Variants in COLEC12 observed in about 807,000 individuals in gnomAD.
COLEC12 encodes the protein collectin-12.
Under a neutral mutation model 71.1 loss-of-function variants are expected in COLEC12, and 33 were observed. The ratio of observed to expected loss-of-function variants is 0.46; its 90% CI spans 0.35 to 0.62. The LOEUF (loss-of-function observed/expected upper bound fraction) is 0.62, where lower values mean the gene tolerates loss of function less well. Among genes scored for constraint, COLEC12 ranks in the 20% least tolerant of loss-of-function variants. The pLI, the probability that COLEC12 is intolerant of heterozygous loss-of-function variation, is 0.00. For missense variants in COLEC12, 765 were observed against 916.1 expected, an observed-to-expected ratio of 0.84 and a Z score of 2.13; for synonymous variants, 350 against 353.0, an observed-to-expected ratio of 0.99 and a Z score of 0.10.
chr18:322,193 T>TACACACACACAC (rs34440882), intron 8 of COLEC12, among the ~76,000 whole-genome samples: 11 of 149,802 alleles, frequency 7.3e-5, no homozygotes, highest in Middle Eastern at 3.4e-3. Flanking sequence ...GAGGACATGA[T>TACACACACACAC]ACACACACAC....
chr18:357,650 CT>C, intron 2 of COLEC12, 128 bp from the exon 3 acceptor site: 2 of 675,862 alleles, frequency 3.0e-6, no homozygotes, highest in Admixed American at 6.6e-5. Flanking sequence ...ACTATGAGAA[CT>C]ATTTTGACAG....
intron 5 of COLEC12, among the ~76,000 whole-genome samples, chr18:337,209 A>G (rs1914139020): frequency 1.4e-5 from 2 of 147,920 alleles, no homozygotes; most frequent in African/African-American, 5.3e-5. Flanking sequence ...CTAAAGTTAG[A>G]AGGATAGAAG....
intron 2 of COLEC12, among the ~76,000 whole-genome samples, chr18:391,152 G>T (rs1356797950): frequency 6.6e-6 from 1 of 152,188 alleles, no homozygotes; most frequent in Non-Finnish European, 1.5e-5. Flanking sequence ...GCCTTAACGT[G>T]AGGAGGGCTA....
chr18:354,958 T>C (rs1298123516), intron 3 of COLEC12, among the ~76,000 whole-genome samples: 1 of 152,106 alleles, frequency 6.6e-6, no homozygotes, highest in Non-Finnish European at 1.5e-5. Flanking sequence ...AGCTATCCCC[T>C]AGATGCAGAT....
At chr18:477,976 G>A (rs1447248967) in intron 2 of COLEC12, among the ~76,000 whole-genome samples, 2 of 152,070 alleles carry the variant, frequency 1.3e-5, no homozygotes, top group African/African-American at 4.8e-5. Flanking sequence ...TGGGTTCTTG[G>A]GTCCTGCTGG....
Position 321,768 on chromosome 18 carries a change from G to T in COLEC12, c.2103C>A (p.Gly701=). Residue 701 remains glycine, a synonymous_variant, in exon 9 of 10, where the codon GGC becomes GGA. Transcript: ENST00000400256. ...KAGQPDNWGH[G]HGPGEDCAGL... Reference sequence around the variant, plus strand: ...CAGCACAGTCTTCTCCTGGCCCATGGCCATGACCCCAGTTATCCGGCTGTC... The same window carrying T: ...CAGCACAGTCTTCTCCTGGCCCATGTCCATGACCCCAGTTATCCGGCTGTC... 1 of 1,614,120 alleles carries T rather than the reference G, an allele frequency of 6.2e-7. No individual in the cohort carries two copies. Among genetic ancestry groups the T allele is most frequent in the Non-Finnish European group, 8.5e-7 (1 of 1,179,986 alleles).
At chr18:337,594 T>C (rs1914147504) in intron 5 of COLEC12, among the ~76,000 whole-genome samples, 1 of 152,218 alleles carries the variant, frequency 6.6e-6, no homozygotes, top group Non-Finnish European at 1.5e-5. Context: ...GCTCCATAAA[T>C]GGGAGACTTT....
At chr18:389,081 T>G (rs9964505) in intron 2 of COLEC12, among the ~76,000 whole-genome samples, 30,138 of 152,048 alleles carry the variant, frequency 0.2, 3,194 homozygotes, top group East Asian at 0.29. Flanking sequence ...TTGATACAAT[T>G]GGATTTATAA....
In COLEC12 at chr18:399,778, TAC is replaced by T. The variant is rs1381620471; in HGVS notation, c.59-42258_59-42257del. 2.0e-5 allele frequency among the ~76,000 whole-genome samples: 3 copies of T among 152,196 alleles called. No individual in the cohort carries two copies. The highest frequency in any genetic ancestry group is 2.9e-5 in the Non-Finnish European group (2 of 68,022). On this transcript the variant is annotated intron_variant, in intron 2 of 9. Coordinates refer to ENST00000400256, the MANE Select transcript of COLEC12 (RefSeq NM_130386.3). The surrounding 1 kb of genome is among the most constrained non-coding windows in gnomAD (Gnocchi z 4.0). Reference sequence around the variant, plus strand: ...GCCCTCGTTCCCCCATCTCCATGACTACCACTGAAGGAAGGAGGCTGAGGGCA... The same window carrying T: ...GCCCTCGTTCCCCCATCTCCATGACTCACTGAAGGAAGGAGGCTGAGGGCA...
intron 5 of COLEC12, among the ~76,000 whole-genome samples, chr18:337,834 C>T (rs929374195): frequency 4.6e-5 from 7 of 152,328 alleles, no homozygotes; most frequent in Admixed American, 2.0e-4. Context: ...CATCCCTTCT[C>T]CCACCACATT....
chr18:331,786 C>A lies in COLEC12; in HGVS notation c.1954-9G>T, dbSNP rs1334162117. 6.4e-7 allele frequency: 1 copy of A among 1,555,168 alleles called. No individual in the cohort carries two copies. The highest frequency in any genetic ancestry group is 1.7e-5 in the Admixed American group (1 of 59,962). ...TGTTTTTTTATCCATTGCTGAAAAA[C>A]AAAGCAGGGGTGGTGCGTGACTATT... On this transcript the variant is annotated splice_polypyrimidine_tract_variant and intron_variant, in intron 7 of 9. Transcript: ENST00000400256.
At chr18:498,270 C>G (rs764887322) in intron 1 of COLEC12, among the ~76,000 whole-genome samples, 2 of 152,156 alleles carry the variant, frequency 1.3e-5, no homozygotes, top group African/African-American at 2.4e-5. Flanking sequence ...ATTACTGCCC[C>G]TCCCGTCCCC....
intron 2 of COLEC12, among the ~76,000 whole-genome samples, chr18:365,233 A>ACTTAAGCAG (rs1192684032): frequency 3.9e-5 from 6 of 152,228 alleles, no homozygotes; most frequent in Non-Finnish European, 8.8e-5. Flanking sequence ...GACTGTGGTG[A>ACTTAAGCAG]CATACTTAAG....
At chr18:337,616 G>A (rs540265882) in intron 5 of COLEC12, among the ~76,000 whole-genome samples, 1 of 152,156 alleles carries the variant, frequency 6.6e-6, no homozygotes, top group Non-Finnish European at 1.5e-5. Flanking sequence ...GAAGACTTAG[G>A]GATGAACTCA....
At chr18:479,891 C>T (rs4797178) in intron 2 of COLEC12, among the ~76,000 whole-genome samples, 79,820 of 152,118 alleles carry the variant, frequency 0.52, 21,779 homozygotes, top group African/African-American at 0.69. Context: ...TCACCTTCAG[C>T]CAGCTGAAAT....
At chr18:483,022 T>C (rs1917453442) in intron 1 of COLEC12, among the ~76,000 whole-genome samples, 1 of 152,210 alleles carries the variant, frequency 6.6e-6, no homozygotes, top group Non-Finnish European at 1.5e-5. Context: ...CCTTGAAATG[T>C]TATGGAGAAC....
At chr18:449,102 A>G (rs948944722) in intron 2 of COLEC12, among the ~76,000 whole-genome samples, 1 of 152,064 alleles carries the variant, frequency 6.6e-6, no homozygotes, top group African/African-American at 2.4e-5. Flanking sequence ...TTATAATTAG[A>G]ATGTTATAGT....
At chr18:412,072 T>C (rs1388158323) in intron 2 of COLEC12, among the ~76,000 whole-genome samples, 1 of 152,080 alleles carries the variant, frequency 6.6e-6, no homozygotes, top group Non-Finnish European at 1.5e-5. Flanking sequence ...GCTGAACACT[T>C]CCCAAATTTG....
At chr18:359,079 C>T (rs2032157) in intron 2 of COLEC12, among the ~76,000 whole-genome samples, 60,315 of 151,984 alleles carry the variant, frequency 0.4, 12,932 homozygotes, top group African/African-American at 0.55. Context: ...GTTAGGCCTA[C>T]AGCAATTCAA....
Sources: gnomAD v4.1 joint callset for allele counts (sites outside exome capture counted in the v4.1 genomes callset) on GRCh38, gnomAD v4.1.1 for gene constraint, Gnocchi (gnomAD v3.1) non-coding constraint, MANE v1.5 for transcripts, NCBI Gene and HGNC (gene_info 2026-07-23, HGNC 2026-07-21) for gene names.